ZNF407: variants seen among roughly 807,000 people sequenced by gnomAD.
ZNF407 encodes the protein zinc finger protein 407.
ZNF407 carries 17 observed loss-of-function variants against 131.2 expected under a neutral mutation model. The observed-to-expected ratio is 0.13, with a 90% confidence interval of 0.09 to 0.19. The LOEUF is 0.19. Ranked by LOEUF, ZNF407 falls within the 10% of genes least tolerant of loss-of-function variation. ZNF407 has a pLI of 1.00. For missense variants in ZNF407, 2,681 were observed against 2,830.6 expected, an observed-to-expected ratio of 0.95 and a Z score of 1.20; for synonymous variants, 1,156 against 1,062.0, an observed-to-expected ratio of 1.09 and a Z score of -1.72.
intron 4 of ZNF407, among the ~76,000 whole-genome samples, chr18:74,874,215 A>G (rs1199073586): frequency 2.0e-5 from 3 of 152,130 alleles, no homozygotes. Context: ...ATATACCATC[A>G]TATTATGCGT....
chr18:75,020,189 G>T (rs1308973991), intron 8 of ZNF407, among the ~76,000 whole-genome samples: 1 of 152,060 alleles, frequency 6.6e-6, no homozygotes, highest in Non-Finnish European at 1.5e-5. Context: ...CCTCATGTGC[G>T]TAATTTATAA....
At chr18:74,621,180 T>A (rs1983494748) in intron 1 of ZNF407, among the ~76,000 whole-genome samples, 1 of 152,030 alleles carries the variant, frequency 6.6e-6, no homozygotes, top group African/African-American at 2.4e-5. Flanking sequence ...ACATGAGATG[T>A]TTTGGTACAG....
At chr18:74,745,433 T>G (rs1175614916) in intron 3 of ZNF407, among the ~76,000 whole-genome samples, 2 of 152,170 alleles carry the variant, frequency 1.3e-5, no homozygotes, top group African/African-American at 4.8e-5. Context: ...TGTGAAGGAT[T>G]TGGAAAATAC....
At chr18:74,661,568 G>A (rs1422726198) in intron 3 of ZNF407, among the ~76,000 whole-genome samples, 1 of 151,776 alleles carries the variant, frequency 6.6e-6, no homozygotes, top group East Asian at 1.9e-4. Context: ...AAATTTAAGT[G>A]TTTCCACATT....
chr18:75,059,305 G>A (rs879816246), intron 8 of ZNF407, among the ~76,000 whole-genome samples: 1 of 152,194 alleles, frequency 6.6e-6, no homozygotes. Context: ...ACTCAAGCAT[G>A]CACCATTTCT....
chr18:74,894,563 C>T (rs1381928061), intron 7 of ZNF407, among the ~76,000 whole-genome samples: 2 of 152,038 alleles, frequency 1.3e-5, no homozygotes, highest in African/African-American at 4.8e-5. Flanking sequence ...GCTTCCACAT[C>T]AGAGTGGATG....
At chr18:74,866,618 A>G (rs1449004019) in intron 4 of ZNF407, among the ~76,000 whole-genome samples, 4 of 152,008 alleles carry the variant, frequency 2.6e-5, no homozygotes, top group East Asian at 1.9e-4. Flanking sequence ...ATTTGATTGT[A>G]TATCAGTTGT....
intron 8 of ZNF407, among the ~76,000 whole-genome samples, chr18:75,004,280 A>G (rs1972881378): frequency 6.6e-6 from 1 of 152,206 alleles, no homozygotes. Context: ...TATCTGATGC[A>G]TTCTTGGGGC....
chr18:75,036,415 A>T (rs536171781), intron 8 of ZNF407, among the ~76,000 whole-genome samples: 76 of 152,338 alleles, frequency 5.0e-4, no homozygotes, highest in African/African-American at 1.8e-3. Context: ...AATTCATACC[A>T]TTTGTTGTGA....
intron 3 of ZNF407, among the ~76,000 whole-genome samples, chr18:74,709,080 T>C (rs1011446797): frequency 1.3e-5 from 2 of 152,212 alleles, no homozygotes; most frequent in Non-Finnish European, 2.9e-5. Flanking sequence ...CTGGGAGTAA[T>C]GAATAGATGA....
At chr18:74,921,898 T>A (rs1971851630) in intron 8 of ZNF407, among the ~76,000 whole-genome samples, 1 of 152,226 alleles carries the variant, frequency 6.6e-6, no homozygotes, top group Non-Finnish European at 1.5e-5. Context: ...GAAATTGAAC[T>A]TGAGTAATTT....
chr18:75,046,275 G>C (rs1468806545), intron 8 of ZNF407, among the ~76,000 whole-genome samples: 1 of 152,146 alleles, frequency 6.6e-6, no homozygotes, highest in African/African-American at 2.4e-5. Context: ...ACTAAGCGGT[G>C]ATCAGAGCCG....
At chr18:74,686,762 A>G (rs1320377189) in intron 3 of ZNF407, among the ~76,000 whole-genome samples, 2 of 152,232 alleles carry the variant, frequency 1.3e-5, no homozygotes, top group African/African-American at 4.8e-5. Context: ...ATGATAAAGT[A>G]TGTTTGGAAA....
intron 3 of ZNF407, among the ~76,000 whole-genome samples, chr18:74,691,960 G>T (rs916124124): frequency 1.3e-5 from 2 of 152,036 alleles, no homozygotes; most frequent in Non-Finnish European, 2.9e-5. Context: ...CAGGTGTGGT[G>T]GTGCATACCT....
At chr18:74,757,658 G>A (rs1162101017) in intron 3 of ZNF407, among the ~76,000 whole-genome samples, 1 of 152,010 alleles carries the variant, frequency 6.6e-6, no homozygotes. Context: ...TTTATTTCTA[G>A]TTGATGTACC....
chr18:74,854,118 G>A (rs1970826763), intron 4 of ZNF407, among the ~76,000 whole-genome samples: 1 of 152,186 alleles, frequency 6.6e-6, no homozygotes, highest in Non-Finnish European at 1.5e-5. Flanking sequence ...GGGGTTTAAT[G>A]TCTTGCACCA....
At chr18:74,770,157 T>C (rs1327465188) in intron 3 of ZNF407, among the ~76,000 whole-genome samples, 2 of 152,146 alleles carry the variant, frequency 1.3e-5, no homozygotes, top group African/African-American at 4.8e-5. Flanking sequence ...TCCCAGCAGT[T>C]TGGGAGTCTG....
intron 8 of ZNF407, chr18:75,060,319 C>T (rs951934107): frequency 6.6e-6 from 1 of 152,130 alleles, no homozygotes; most frequent in African/African-American, 2.4e-5. Context: ...CCCTTGAAGA[C>T]GCAGTGCTTT....
At chr18:75,060,043 C>T (rs1973607074) in intron 8 of ZNF407, 1 of 152,244 alleles carries the variant, frequency 6.6e-6, no homozygotes, top group African/African-American at 2.4e-5. Flanking sequence ...TTTGGAAAGT[C>T]TCCAGGCATT....
Sources: allele counts gnomAD v4.1 joint callset (sites outside exome capture counted in the v4.1 genomes callset), GRCh38; gene constraint gnomAD v4.1.1; transcripts MANE v1.5; gene names NCBI Gene and HGNC (gene_info 2026-07-23, HGNC 2026-07-21).